The following CEP72 variants were observed in gnomAD, a reference collection of about 807,000 sequenced individuals.
CEP72 encodes centrosomal protein of 72 kDa.
In CEP72, 78 loss-of-function variants were observed where a neutral mutation model predicts 65.7. The ratio of observed to expected loss-of-function variants is 1.19; its 90% CI spans 0.99 to 1.43. The LOEUF is 1.43. Among genes scored for constraint, CEP72 ranks in the 40% most tolerant of loss-of-function variants. CEP72 has a pLI of 0.00. For synonymous variants in CEP72, 358 were observed against 351.7 expected, an observed-to-expected ratio of 1.02 and a Z score of -0.20; for missense variants, 914 against 832.9, an observed-to-expected ratio of 1.10 and a Z score of -1.20.
intron 11 of CEP72, among the ~76,000 whole-genome samples, chr5:649,368 T>C (rs991855616): frequency 0.023 from 135 of 5,818 alleles, no homozygotes; most frequent in East Asian, 0.065. Flanking sequence ...GACTGTGAGG[T>C]GTGACTGTGA....
chr5:615,080 A>G (rs73044896), intron 1 of CEP72, among the ~76,000 whole-genome samples: 15,104 of 148,016 alleles, frequency 0.1, 1,579 homozygotes, highest in African/African-American at 0.27. Context: ...TTACATAGCT[A>G]GGATTTTTAT....
At chr5:621,866 C>T (rs542107767) in intron 3 of CEP72, among the ~76,000 whole-genome samples, 30 of 152,352 alleles carry the variant, frequency 2.0e-4, no homozygotes, top group African/African-American at 6.5e-4. Flanking sequence ...CTCCGCCTCC[C>T]GGGTTCAAGC....
intron 1 of CEP72, chr5:663,324 T>G (rs919318962): frequency 6.6e-6 from 1 of 152,474 alleles, no homozygotes; most frequent in African/African-American, 2.4e-5. Flanking sequence ...GGGCTGGGCT[T>G]GGGCACCCCC....
chr5:658,931 G>C (rs1005073849), downstream of CEP72, among the ~76,000 whole-genome samples: 2 of 152,174 alleles, frequency 1.3e-5, no homozygotes, highest in African/African-American at 2.4e-5. Flanking sequence ...GCCTCCCAAA[G>C]TGCTGGGACT....
intron 3 of CEP72, among the ~76,000 whole-genome samples, chr5:621,574 C>T (rs957434320): frequency 5.3e-5 from 8 of 152,322 alleles, no homozygotes; most frequent in Non-Finnish European, 1.0e-4. Flanking sequence ...CCATGAAGTT[C>T]GTGTGACGTC....
chr5:640,286 TCTCC>T (rs1283410455), intron 8 of CEP72, 118 bp from the exon 9 acceptor site: 14 of 1,326,254 alleles, frequency 1.1e-5, no homozygotes, highest in Non-Finnish European at 1.3e-5. Flanking sequence ...CCCTTTCCCC[TCTCC>T]CTACCTGTCG....
chr5:675,482 A>ATGGGTGCAGTGTGGCCG, the CEP72 span, among the ~76,000 whole-genome samples: 1,203 of 91,120 alleles, frequency 0.013, 57 homozygotes, highest in African/African-American at 0.058. Flanking sequence ...CAGTGTGGCC[A>ATGGGTGCAGTGTGGCCG]GGGGTACATT....
At chr5:657,295 A>G (rs1739403666), downstream of CEP72, among the ~76,000 whole-genome samples, 1 of 152,182 alleles carries the variant, frequency 6.6e-6, no homozygotes, top group Admixed American at 6.5e-5. Context: ...CTCGGGCAGC[A>G]TCTGGTGCGT....
At chr5:660,953 TAGAAG>T (rs1739566832), downstream of CEP72, 1 of 152,298 alleles carries the variant, frequency 6.6e-6, no homozygotes, top group African/African-American at 2.4e-5. Context: ...GACAGGATAT[TAGAAG>T]GTGTAAAAGT....
chr5:641,118 A>G, intron 9 of CEP72: 1 of 985,384 alleles, frequency 1.0e-6, no homozygotes, highest in Non-Finnish European at 1.2e-6. Context: ...CTTCCGTCTC[A>G]GCCGTGGGCC....
At position 644,303 on chromosome 5, in the gene CEP72, A is replaced by T; in HGVS notation, c.1544A>T (p.Asp515Val). The change falls in exon 10 of 12, where the codon GAT becomes GTT. Residue 515 changes from aspartate (D) to valine (V), a missense_variant. Asp to Val is a radical substitution (Grantham distance 152). Coordinates refer to ENST00000264935, the MANE Select transcript of CEP72 (RefSeq NM_018140.4). ...GTGTATTTTCTGTGTCCGCAGGATG[A>T]TTTGAGACAACATTTAGATAAATCT... ...ELHHTHKELD[D>V]LRQHLDKSLE... The T allele has an allele frequency of 6.2e-7, 1 of 1,613,472 alleles. No homozygotes were observed. Among genetic ancestry groups the T allele is most frequent in the Non-Finnish European group, 8.5e-7 (1 of 1,179,778 alleles).
In CEP72 at chr5:617,311, A is replaced by G. The variant is rs777523853; in HGVS notation, c.83-1679A>G. Among the ~76,000 whole-genome samples, 3 of 152,042 alleles carry G rather than the reference A, an allele frequency of 2.0e-5. No individual in the cohort carries two copies. In the South Asian group the frequency reaches 6.2e-4, roughly 32 times the overall value. On this transcript the variant is annotated intron_variant, in intron 1 of 11. Coordinates refer to ENST00000264935, the MANE Select transcript of CEP72 (RefSeq NM_018140.4). ...GGCAGTGGGTCTAATATGCGGGAGG[A>G]GCAGGTTGAAATGTGTCCTCTCCAT...
At chr5:637,947 C>A (rs1206458520) in intron 7 of CEP72, 129 bp downstream of exon 7, 11 of 912,700 alleles carry the variant, frequency 1.2e-5, no homozygotes, top group Non-Finnish European at 1.7e-5. Context: ...AGGGCTGTTA[C>A]GGCGGTGCCG....
chr5:672,025 C>T (rs1257230855), downstream of CEP72, among the ~76,000 whole-genome samples: 2 of 152,250 alleles, frequency 1.3e-5, no homozygotes, highest in African/African-American at 4.8e-5. Context: ...CTCTGAGGAC[C>T]TCACTTGCCC....
At chr5:674,186 C>T in the CEP72 span, among the ~76,000 whole-genome samples, 499 of 152,342 alleles carry the variant, frequency 3.3e-3, no homozygotes, top group Non-Finnish European at 4.4e-3. Context: ...CGGGTCTGCT[C>T]CTGTGTATCC....
chr5:675,465 G>GTGTGGCCA, the CEP72 span, among the ~76,000 whole-genome samples: 933 of 45,458 alleles, frequency 0.021, 17 homozygotes, highest in South Asian at 0.027. Flanking sequence ...GTGCAGCACA[G>GTGTGGCCA]GGGGTGCAGT....
At chr5:668,194 G>A (rs75783973), downstream of CEP72, among the ~76,000 whole-genome samples, 26 of 91,250 alleles carry the variant, frequency 2.8e-4, no homozygotes, top group Admixed American at 5.3e-4. Flanking sequence ...CGTGGGCGCC[G>A]TCAGGGAAGT....
rs375775432 is a variant in CEP72, at chr5:624,493, C to T, written c.426C>T (p.Ser142=). The T allele has an allele frequency of 2.1e-5, 34 of 1,613,890 alleles. No individual in the cohort carries two copies. Among genetic ancestry groups the T allele is most frequent in the Middle Eastern group, 3.3e-4 (2 of 6,084 alleles). The part of the protein sequence containing the change: ...QQLDDRPVRA[S]ERKASRLHFA... ...TAGACGATCGCCCCGTGAGAGCAAG[C>T]GAGCGGAAGGCTTCCCGACTGCATT... The change falls in exon 4 of 12, where the codon AGC becomes AGT. Residue 142 remains serine (S), a synonymous_variant. Coordinates refer to ENST00000264935, the MANE Select transcript of CEP72 (RefSeq NM_018140.4). The surrounding 1 kb of genome is among the most constrained non-coding windows in gnomAD (Gnocchi z 4.7).
chr5:647,974 G>A (rs1738535395), intron 11 of CEP72, 58 bp downstream of exon 11: 3 of 1,216,752 alleles, frequency 2.5e-6, no homozygotes, highest in Non-Finnish European at 3.6e-6. Flanking sequence ...GGTACAGGGA[G>A]GGTTGGGCCG....
Sources: gnomAD v4.1 joint callset for allele counts (sites outside exome capture counted in the v4.1 genomes callset) on GRCh38, gnomAD v4.1.1 for gene constraint, Gnocchi (gnomAD v3.1) non-coding constraint, MANE v1.5 for transcripts, NCBI Gene and HGNC (gene_info 2026-07-23, HGNC 2026-07-21) for gene names.